S100A7: variants seen among roughly 807,000 people sequenced by gnomAD.
S100A7 encodes the protein S100 calcium binding protein A7.
S100A7 carries 2 observed loss-of-function variants against 3.8 expected under a neutral mutation model. That is an observed-to-expected ratio of 0.53 (90% confidence interval 0.22 to 1.67). S100A7 has a LOEUF of 1.67. Ranked by LOEUF, S100A7 falls within the 40% of genes most tolerant of loss-of-function variation. The pLI is 0.20. For synonymous variants in S100A7, 55 were observed against 45.9 expected (o/e 1.20, Z -0.80); for missense variants, 130 against 126.3 (o/e 1.03, Z -0.14).
intron 1 of S100A7, among the ~76,000 whole-genome samples, chr1:153,459,558 G>A (rs1371609773): frequency 6.6e-6 from 1 of 152,172 alleles, no homozygotes; most frequent in African/African-American, 2.4e-5. Flanking sequence ...GTGTGTGCAG[G>A]CTCCAGGTGC....
intron 1 of S100A7, among the ~76,000 whole-genome samples, chr1:153,460,090 G>A (rs906367848): frequency 2.0e-5 from 3 of 152,256 alleles, no homozygotes; most frequent in East Asian, 3.8e-4. Context: ...GAGGGTGACT[G>A]ACAATTTGCA....
At chr1:153,458,839 T>A (rs1213558165) in intron 2 of S100A7, 34 bp downstream of exon 2, 1 of 1,610,364 alleles carries the variant, frequency 6.2e-7, no homozygotes, top group East Asian at 2.2e-5. Flanking sequence ...GCAAAATGTA[T>A]CCTCCAACAT....
chr1:153,458,860 GACACCGACTC>G lies in S100A7; in HGVS notation c.141+3_141+12del. ...TGTATCCTCCAACATTGAGAAGCTAGACACCGACTCACACAGGCACTAAGGAAGTTGGGGA... is the reference window on the plus strand; with the variant it reads ...TGTATCCTCCAACATTGAGAAGCTAGACACAGGCACTAAGGAAGTTGGGGA... On this transcript the variant is annotated splice_donor_5th_base_variant and intron_variant, in intron 2 of 2. Coordinates refer to ENST00000368723, the MANE Select transcript of S100A7 (RefSeq NM_002963.4). 1 of 1,613,592 alleles carries G rather than the reference GACACCGACTC, an allele frequency of 6.2e-7. No individual in the cohort carries two copies. Among genetic ancestry groups the G allele is most frequent in the Non-Finnish European group, 8.5e-7 (1 of 1,179,642 alleles).
chr1:153,458,801 G>T (rs762400857), intron 2 of S100A7, 72 bp downstream of exon 2: 5 of 1,542,882 alleles, frequency 3.2e-6, no homozygotes, highest in Non-Finnish European at 8.8e-7. Flanking sequence ...TAATCAGAGG[G>T]TGAGGGTGAT....
chr1:153,459,271 G>A (rs1198722736), intron 1 of S100A7, among the ~76,000 whole-genome samples: 3 of 152,242 alleles, frequency 2.0e-5, no homozygotes, highest in South Asian at 2.1e-4. Flanking sequence ...CGGAAGTCCA[G>A]CTGTGGACAG....
intron 1 of S100A7, among the ~76,000 whole-genome samples, chr1:153,459,260 G>A (rs1663764518): frequency 6.6e-6 from 1 of 152,232 alleles, no homozygotes; most frequent in Non-Finnish European, 1.5e-5. Flanking sequence ...CAGGTGGATG[G>A]CGGAAGTCCA....
chr1:153,458,831 A>G lies in S100A7; in HGVS notation c.141+42T>C, dbSNP rs199537261. 16 of 1,609,036 alleles carry G rather than the reference A, an allele frequency of 9.9e-6. No individual in the cohort carries two copies. In the African/African-American group the frequency reaches 2.0e-4, roughly 20 times the overall value. On this transcript the variant is annotated intron_variant, in intron 2 of 2. Transcript: ENST00000368723. ...GGTGATCTGTCCAAGGCCACATAGC[A>G]AAATGTATCCTCCAACATTGAGAAG... is the stretch of plus-strand genomic sequence containing the variant.
At chr1:153,460,585 G>C (rs1244407051) in intron 1 of S100A7, 23 bp downstream of exon 1, 2 of 906,962 alleles carry the variant, frequency 2.2e-6, no homozygotes, top group Non-Finnish European at 3.6e-6. Context: ...TCTAGAAAAC[G>C]CAAAGAGGCA....
intron 1 of S100A7, among the ~76,000 whole-genome samples, chr1:153,459,372 C>G (rs1663767934): frequency 6.6e-6 from 1 of 152,198 alleles, no homozygotes; most frequent in East Asian, 1.9e-4. Flanking sequence ...CAGCACATGG[C>G]AGACCCCACT....
At chr1:153,460,345 G>T (rs1432923031) in intron 1 of S100A7, among the ~76,000 whole-genome samples, 1 of 152,222 alleles carries the variant, frequency 6.6e-6, no homozygotes, top group Non-Finnish European at 1.5e-5. Context: ...AGGGTCCTGT[G>T]CTCAGGTCCC....
In S100A7 at chr1:153,457,970, C is replaced by T; in HGVS notation, c.142G>A (p.Asp48Asn). 1 of 1,613,238 alleles carries T rather than the reference C, an allele frequency of 6.2e-7. No homozygotes were observed. The highest frequency in any genetic ancestry group is 8.5e-7 in the Non-Finnish European group (1 of 1,179,594). ...GCGAGGTAATTTGTGCCCTTTTTGT[C>T]CTGTGAAGAGAAAAACATACAAAAT... is the stretch of plus-strand genomic sequence containing the variant. The part of the protein sequence containing the change: ...ENFPNFLSAC[D>N]KKGTNYLADV... Residue 48 changes from aspartate (D) to asparagine (N), a missense_variant and splice_region_variant, in exon 3 of 3, where the codon GAC (aspartate) becomes AAC (asparagine). Coordinates refer to ENST00000368723, the MANE Select transcript of S100A7 (RefSeq NM_002963.4).
At chr1:153,458,796 A>G in intron 2 of S100A7, 77 bp downstream of exon 2, 1 of 1,518,148 alleles carries the variant, frequency 6.6e-7, no homozygotes, top group South Asian at 1.3e-5. Flanking sequence ...TTTTTTAATC[A>G]GAGGGTGAGG....
At chr1:153,460,552 T>C (rs1663804229) in intron 1 of S100A7, 56 bp downstream of exon 1, 2 of 732,986 alleles carry the variant, frequency 2.7e-6, no homozygotes, top group Non-Finnish European at 4.9e-6. Context: ...ACAGGCAGCA[T>C]GGCAGGCCAG....
chr1:153,458,846 A>G (rs759882199), intron 2 of S100A7, 27 bp downstream of exon 2: 3 of 1,612,370 alleles, frequency 1.9e-6, no homozygotes, highest in Non-Finnish European at 2.5e-6. Context: ...GTATCCTCCA[A>G]CATTGAGAAG....
At position 153,457,839 on chromosome 1, in the gene S100A7, A is replaced by G; in HGVS notation, c.273T>C (p.His91=). The G allele has an allele frequency of 6.2e-7, 1 of 1,614,188 alleles. No individual in the cohort carries two copies. Among genetic ancestry groups the G allele is most frequent in the Non-Finnish European group, 8.5e-7 (1 of 1,180,036 alleles). ...TGCCCCCGGAACAGGGCGCTGCTCC[A>G]TGGCTCTGCTTGTGGTAGTCTGTGG... The part of the protein sequence containing the change: ...DIATDYHKQS[H]GAAPCSGGSQ The change falls in exon 3 of 3, where the codon CAT becomes CAC. Residue 91 remains histidine, a synonymous_variant. Coordinates refer to ENST00000368723, the MANE Select transcript of S100A7 (RefSeq NM_002963.4).
At chr1:153,458,183 A>G (rs2101645958) in intron 2 of S100A7, among the ~76,000 whole-genome samples, 1 of 152,210 alleles carries the variant, frequency 6.6e-6, no homozygotes, top group East Asian at 1.9e-4. Flanking sequence ...CTCACACCTC[A>G]GGATGGGAGG....
chr1:153,458,761 T>C lies in S100A7; in HGVS notation c.141+112A>G, dbSNP rs564032308. On this transcript the variant is annotated intron_variant, in intron 2 of 2. Transcript: ENST00000368723. ...TTAGATTCACATATGATCCAAGTAA[T>C]AAAGCCCTATTTGCAAATGGGAAAT... is the stretch of plus-strand genomic sequence containing the variant. 7.2e-4 allele frequency: 921 copies of C among 1,278,162 alleles called. 3 individuals are homozygous for C. Among genetic ancestry groups the C allele is most frequent in the Non-Finnish European group, 9.4e-4 (863 of 917,816 alleles). 79.2% of individuals were successfully genotyped at this position (1,278,162 alleles called of 1,614,324 possible).
At chr1:153,459,933 C>T (rs1663787849) in intron 1 of S100A7, 1 of 152,334 alleles carries the variant, frequency 6.6e-6, no homozygotes, top group Non-Finnish European at 1.5e-5. Flanking sequence ...CAGGAAAGGA[C>T]CTTGGCTAAT....
At chr1:153,459,174 G>T in intron 1 of S100A7, 144 bp from the exon 2 acceptor site, 1 of 992,790 alleles carries the variant, frequency 1.0e-6, no homozygotes, top group Non-Finnish European at 1.4e-6. Context: ...AATGTGATGG[G>T]ATAAGTTGCT....
Sources: gnomAD v4.1 joint callset for allele counts (sites outside exome capture counted in the v4.1 genomes callset) on GRCh38, gnomAD v4.1.1 for gene constraint, MANE v1.5 for transcripts, NCBI Gene and HGNC (gene_info 2026-07-23, HGNC 2026-07-21) for gene names.